PPFIBP1: variants seen among roughly 807,000 people sequenced by gnomAD.
PPFIBP1 encodes the protein PPFIB scaffold protein 1.
Under a neutral mutation model 137.8 loss-of-function variants are expected in PPFIBP1, and 112 were observed. The observed-to-expected ratio is 0.81, with a 90% CI of 0.70 to 0.95. PPFIBP1 has a LOEUF of 0.95. Ranked by LOEUF, PPFIBP1 falls within the 40% of genes least tolerant of loss-of-function variation. PPFIBP1 has a pLI of 0.00. For missense variants in PPFIBP1, 1,083 were observed against 1,196.6 expected, an observed-to-expected ratio of 0.91 and a Z score of 1.40; for synonymous variants, 378 against 417.3, an observed-to-expected ratio of 0.91 and a Z score of 1.15.
intron 2 of PPFIBP1, among the ~76,000 whole-genome samples, chr12:27,595,889 AT>A (rs751544277): frequency 0.29 from 25,677 of 87,656 alleles, 3,149 homozygotes; most frequent in East Asian, 0.56. Context: ...ACAACAAAAT[AT>A]ATATATATAT....
At chr12:27,535,633 G>C (rs7975462) in intron 1 of PPFIBP1, among the ~76,000 whole-genome samples, 2 of 151,898 alleles carry the variant, frequency 1.3e-5, no homozygotes, top group Non-Finnish European at 2.9e-5. Flanking sequence ...TCCTGGACTC[G>C]AGCAATCCTC....
Position 27,689,113 on chromosome 12 carries a change from C to T in PPFIBP1, c.2595C>T (p.Asn865=). 1 of 1,610,396 alleles carries T rather than the reference C, an allele frequency of 6.2e-7. No individual in the cohort carries two copies. Among genetic ancestry groups the T allele is most frequent in the Non-Finnish European group, 8.5e-7 (1 of 1,179,136 alleles). Residue 865 remains asparagine, a synonymous_variant, in exon 27 of 30, where the codon AAC becomes AAT. Transcript: ENST00000228425. ...LLRRHLATHF[N]LLIGAEAQHQ... is the part of the protein sequence containing the mutation. ...GAAGACATTTGGCCACTCATTTCAA[C>T]CTTCTGATTGGGGCTGAGGCACAGC...
At chr12:27,690,097 T>A (rs1275320205) in intron 27 of PPFIBP1, among the ~76,000 whole-genome samples, 1 of 152,148 alleles carries the variant, frequency 6.6e-6, no homozygotes, top group Non-Finnish European at 1.5e-5. Context: ...TCTAGCTATC[T>A]GCCCACTCTA....
intron 11 of PPFIBP1, among the ~76,000 whole-genome samples, chr12:27,663,244 A>G (rs1209452722): frequency 6.6e-6 from 1 of 152,140 alleles, no homozygotes; most frequent in Non-Finnish European, 1.5e-5. Context: ...CTTGAATAAC[A>G]TTTGCTGATA....
chr12:27,600,895 T>C (rs1252721404), intron 2 of PPFIBP1, among the ~76,000 whole-genome samples: 1 of 152,232 alleles, frequency 6.6e-6, no homozygotes, highest in East Asian at 1.9e-4. Flanking sequence ...TTTGGATACA[T>C]ATATATTGTG....
At chr12:27,629,667 TAAG>T (rs947361446) in intron 2 of PPFIBP1, among the ~76,000 whole-genome samples, 1 of 152,240 alleles carries the variant, frequency 6.6e-6, no homozygotes, top group African/African-American at 2.4e-5. Flanking sequence ...TATGAGGACT[TAAG>T]AAAGTCTTTT....
At chr12:27,608,714 T>C in intron 2 of PPFIBP1, 1 of 381,816 alleles carries the variant, frequency 2.6e-6, no homozygotes, top group Admixed American at 3.7e-5. Context: ...GGGACACCGA[T>C]AAAACATAGT....
intron 1 of PPFIBP1, among the ~76,000 whole-genome samples, chr12:27,553,770 A>G (rs1023689199): frequency 2.0e-5 from 3 of 152,192 alleles, no homozygotes; most frequent in Non-Finnish European, 4.4e-5. Context: ...GTGATCCTCT[A>G]TTAGAACAGG....
At chr12:27,609,987 G>A (rs1173414309) in intron 2 of PPFIBP1, among the ~76,000 whole-genome samples, 7 of 152,108 alleles carry the variant, frequency 4.6e-5, no homozygotes, top group Admixed American at 2.6e-4. Flanking sequence ...TGTCCTTAGC[G>A]AGCCTGTGCA....
At chr12:27,625,569 A>G (rs2056745245) in intron 2 of PPFIBP1, among the ~76,000 whole-genome samples, 1 of 149,746 alleles carries the variant, frequency 6.7e-6, no homozygotes. Context: ...CTTATTTTAC[A>G]GTTTTTTACA....
chr12:27,533,768 C>G lies in PPFIBP1; in HGVS notation c.-124+9403C>G, dbSNP rs557482332. On this transcript the variant is annotated intron_variant, in intron 1 of 29. Coordinates refer to ENST00000228425, the MANE Select transcript of PPFIBP1 (RefSeq NM_003622.4). ...TATGTAGAGTAAAAAGAGAAGCAAG[C>G]ATACAGTCTTCAGGGGACTCCTGAT... is the stretch of plus-strand genomic sequence containing the variant. Among the ~76,000 whole-genome samples, 7 of 152,280 alleles carry G rather than the reference C, an allele frequency of 4.6e-5. No individual in the cohort carries two copies. The South Asian group carries it at 1.5e-3, about 32-fold the overall frequency.
chr12:27,590,641 C>T (rs1432120151), intron 2 of PPFIBP1, among the ~76,000 whole-genome samples: 2 of 152,052 alleles, frequency 1.3e-5, no homozygotes, highest in Admixed American at 1.3e-4. Context: ...GGTCATGATC[C>T]CTTTGCCTGA....
rs930759275 is a variant in PPFIBP1 at position 27,677,344 on chromosome 12, C to T, written c.1615+248C>T. Reference sequence around the variant, plus strand: ...GTGAATAGCTTTGAGAGGACCTAGACGTGTGCAGCATCCCTCAGAGTGCAG... The same window carrying T: ...GTGAATAGCTTTGAGAGGACCTAGATGTGTGCAGCATCCCTCAGAGTGCAG... On this transcript the variant is annotated intron_variant, in intron 19 of 29. Coordinates refer to ENST00000228425, the MANE Select transcript of PPFIBP1 (RefSeq NM_003622.4). 3.0e-5 allele frequency: 17 copies of T among 568,492 alleles called. No individual in the cohort carries two copies. The Admixed American group carries it at 3.0e-4, about 10-fold the overall frequency. The allele number at this position is 568,492 out of a possible 1,614,324, so 35.2% of individuals were successfully genotyped here. A position where few individuals can be genotyped will look rare whatever the true frequency, so the allele number is the denominator to read the frequency against.
chr12:27,524,807 A>G (rs1247066339), intron 1 of PPFIBP1, among the ~76,000 whole-genome samples: 1 of 152,176 alleles, frequency 6.6e-6, no homozygotes, highest in Non-Finnish European at 1.5e-5. Context: ...GTGGCCTATT[A>G]TATATTAAAA....
At chr12:27,572,872 A>G (rs2050251250) in intron 1 of PPFIBP1, among the ~76,000 whole-genome samples, 1 of 152,138 alleles carries the variant, frequency 6.6e-6, no homozygotes, top group South Asian at 2.1e-4. Flanking sequence ...ATGTCTATTT[A>G]TTTTATTGGC....
rs2060200645 is a variant in PPFIBP1, at chr12:27,671,550, T to A, written c.1262+4T>A. ...CAGAGACTTCATTTGAAGAAAAGTA[T>A]GTCATTTATTAACAGTGCAATATAA... On this transcript the variant is annotated splice_donor_region_variant and intron_variant, in intron 14 of 29. Coordinates refer to ENST00000228425, the MANE Select transcript of PPFIBP1 (RefSeq NM_003622.4). 1 of 1,522,244 alleles carries A rather than the reference T, an allele frequency of 6.6e-7. No homozygotes were observed. Among genetic ancestry groups the A allele is most frequent in the Non-Finnish European group, 9.0e-7 (1 of 1,113,278 alleles). The allele number at this position is 1,522,244 out of a possible 1,614,324, so 94.3% of individuals were successfully genotyped here.
chr12:27,621,762 A>G (rs1158866268), intron 2 of PPFIBP1, among the ~76,000 whole-genome samples: 1 of 152,218 alleles, frequency 6.6e-6, no homozygotes, highest in Non-Finnish European at 1.5e-5. Context: ...TCCTCCACAA[A>G]ACTGTTTCCT....
rs1338236247 is a variant in PPFIBP1, at chr12:27,632,257, T to C, written c.-35-1105T>C. On this transcript the variant is annotated intron_variant, in intron 2 of 29. Transcript: ENST00000228425. The stretch of plus-strand genomic sequence containing the variant: ...GGAGTTGATACCGGAACTATAAATA[T>C]ATTTGTGAAAATAAAGTGGTGAGAT... Among the ~76,000 whole-genome samples the C allele has an allele frequency of 3.3e-5, 5 of 152,222 alleles. No homozygotes were observed. The East Asian group carries it at 9.6e-4, about 29-fold the overall frequency.
chr12:27,576,565 G>A (rs2050579783), intron 1 of PPFIBP1, among the ~76,000 whole-genome samples: 1 of 152,168 alleles, frequency 6.6e-6, no homozygotes, highest in Non-Finnish European at 1.5e-5. Flanking sequence ...AGAAGAGAAG[G>A]CCCAGCTCCT....
Sources: gnomAD v4.1 joint callset for allele counts (sites outside exome capture counted in the v4.1 genomes callset) on GRCh38, gnomAD v4.1.1 for gene constraint, MANE v1.5 for transcripts, NCBI Gene and HGNC (gene_info 2026-07-23, HGNC 2026-07-21) for gene names.